Variants in KSR2 observed in about 807,000 individuals in gnomAD.
KSR2 encodes kinase suppressor of ras 2.
KSR2 carries 25 observed loss-of-function variants against 107.8 expected under a neutral mutation model. The observed-to-expected ratio is 0.23, with a 90% CI of 0.17 to 0.32. The LOEUF is 0.32. Ranked by LOEUF, KSR2 falls within the 10% of genes least tolerant of loss-of-function variation. The probability of loss-of-function intolerance (pLI) is 1.00; values close to 1 mark genes in which losing one functional copy is unlikely to be tolerated. For missense variants in KSR2, 887 were observed against 1,268.9 expected, an observed-to-expected ratio of 0.70 and a Z score of 4.57; for synonymous variants, 480 against 507.0, an observed-to-expected ratio of 0.95 and a Z score of 0.71.
At chr12:117,641,787 A>C (rs1421576752) in intron 5 of KSR2, among the ~76,000 whole-genome samples, 5 of 152,130 alleles carry the variant, frequency 3.3e-5, no homozygotes, top group Admixed American at 1.3e-4. Context: ...AGAAGAATAG[A>C]AACAGCACGG....
At chr12:117,609,837 C>T (rs1881496133) in intron 5 of KSR2, among the ~76,000 whole-genome samples, 1 of 152,174 alleles carries the variant, frequency 6.6e-6, no homozygotes, top group Admixed American at 6.5e-5. Flanking sequence ...ATTCTCTCCC[C>T]AGCTATGACA....
chr12:117,566,369 C>G (rs1878496024), intron 7 of KSR2, among the ~76,000 whole-genome samples: 1 of 152,248 alleles, frequency 6.6e-6, no homozygotes, highest in South Asian at 2.1e-4. Context: ...ATCTGCCTAC[C>G]TTGGCCTCCC....
At chr12:117,914,494 A>G (rs919623369) in intron 1 of KSR2, among the ~76,000 whole-genome samples, 2 of 152,088 alleles carry the variant, frequency 1.3e-5, no homozygotes, top group African/African-American at 4.8e-5. Flanking sequence ...TCTTCAGCAT[A>G]GCACTTAGTG....
chr12:117,675,600 A>G (rs1885083553), intron 4 of KSR2, among the ~76,000 whole-genome samples: 1 of 152,138 alleles, frequency 6.6e-6, no homozygotes, highest in African/African-American at 2.4e-5. Flanking sequence ...TCGTCAAGGG[A>G]AGCCCCAAAC....
Position 117,785,183 on chromosome 12 carries a change from G to A in KSR2, c.473-23659C>T, listed in dbSNP as rs1035777744. On this transcript the variant is annotated intron_variant, in intron 3 of 19. Coordinates refer to ENST00000339824, the MANE Select transcript of KSR2 (RefSeq NM_173598.6). Reference sequence around the variant, plus strand: ...TAATCCCAGCCCTTTGGGAGGCCAAGGCAGGTGGATCACCTGAGGTCAGGA... The same window carrying A: ...TAATCCCAGCCCTTTGGGAGGCCAAAGCAGGTGGATCACCTGAGGTCAGGA... Among the ~76,000 whole-genome samples the A allele has an allele frequency of 3.9e-5, 6 of 152,108 alleles. 1 individual carries two copies. Among genetic ancestry groups the A allele is most frequent in the Non-Finnish European group, 8.8e-5 (6 of 68,006 alleles).
At chr12:117,901,232 T>C (rs1015361324) in intron 1 of KSR2, among the ~76,000 whole-genome samples, 3 of 151,782 alleles carry the variant, frequency 2.0e-5, no homozygotes, top group Admixed American at 6.6e-5. Context: ...ACAATAAACA[T>C]ATGATACAAT....
chr12:117,614,514 G>A (rs1881769533), intron 5 of KSR2, among the ~76,000 whole-genome samples: 1 of 152,138 alleles, frequency 6.6e-6, no homozygotes, highest in Admixed American at 6.5e-5. Context: ...GGGCTGTTCA[G>A]AACTCCAGTT....
chr12:117,539,783 C>G lies in KSR2; in HGVS notation c.1623G>C (p.Thr541=). Residue 541 remains threonine (T), a synonymous_variant, in exon 10 of 20, where the codon ACG becomes ACC. Coordinates refer to ENST00000339824, the MANE Select transcript of KSR2 (RefSeq NM_173598.6). ...GGGAAGGGTGTAGGGGAGAAGGCGGCGTGGCACTAGGAGGGAGGGGGGGTG... is the reference window on the plus strand; with the variant it reads ...GGGAAGGGTGTAGGGGAGAAGGCGGGGTGGCACTAGGAGGGAGGGGGGGTG... The part of the protein sequence containing the change: ...SPAPPLPPSA[T]PPSPLHPSPQ... 1.2e-6 allele frequency: 2 copies of G among 1,606,580 alleles called. No individual in the cohort carries two copies. Among genetic ancestry groups the G allele is most frequent in the Non-Finnish European group, 1.7e-6 (2 of 1,177,606 alleles).
At chr12:117,564,217 G>A (rs1878311877) in intron 7 of KSR2, among the ~76,000 whole-genome samples, 2 of 152,204 alleles carry the variant, frequency 1.3e-5, no homozygotes. Context: ...GGGCCAGGAG[G>A]AGCCCCATGT....
At chr12:117,505,961 A>G (rs763984282) in intron 14 of KSR2, among the ~76,000 whole-genome samples, 7 of 152,154 alleles carry the variant, frequency 4.6e-5, no homozygotes, top group African/African-American at 7.2e-5. Flanking sequence ...TTCCCTGTAT[A>G]ATGATTCCTG....
chr12:117,616,131 A>G (rs1377815802), intron 5 of KSR2, among the ~76,000 whole-genome samples: 2 of 148,132 alleles, frequency 1.4e-5, no homozygotes, highest in African/African-American at 5.0e-5. Flanking sequence ...ACTGCACTTT[A>G]GCCTGGGTGA....
chr12:117,485,843 C>G (rs868259889), intron 14 of KSR2, among the ~76,000 whole-genome samples, 152 bp from the exon 15 acceptor site: 2 of 152,214 alleles, frequency 1.3e-5, no homozygotes, highest in South Asian at 2.1e-4. Flanking sequence ...GACTTCAGAT[C>G]TGGTTCTGGG....
At chr12:117,832,873 G>A (rs557740143) in intron 3 of KSR2, among the ~76,000 whole-genome samples, 10 of 152,210 alleles carry the variant, frequency 6.6e-5, no homozygotes, top group East Asian at 1.9e-4. Flanking sequence ...ATGGGTTTAC[G>A]TCCCTTGAAA....
chr12:117,575,723 A>C (rs1289639461), intron 7 of KSR2, among the ~76,000 whole-genome samples: 1 of 152,140 alleles, frequency 6.6e-6, no homozygotes, highest in South Asian at 2.1e-4. Flanking sequence ...TCAGATCTTC[A>C]TGTTTTGAAT....
chr12:117,901,669 G>GT (rs1268659535), intron 1 of KSR2, among the ~76,000 whole-genome samples: 1 of 152,062 alleles, frequency 6.6e-6, no homozygotes, highest in Non-Finnish European at 1.5e-5. Flanking sequence ...AAAGTATTCA[G>GT]TTTTTTTAAA....
intron 14 of KSR2, among the ~76,000 whole-genome samples, chr12:117,505,248 C>T (rs1283483376): frequency 6.6e-6 from 1 of 152,154 alleles, no homozygotes; most frequent in Non-Finnish European, 1.5e-5. Flanking sequence ...AGTCCCCTCA[C>T]CAACGTGGAA....
At chr12:117,761,843 T>C (rs1254401132) in intron 3 of KSR2, among the ~76,000 whole-genome samples, 1 of 152,228 alleles carries the variant, frequency 6.6e-6, no homozygotes, top group Non-Finnish European at 1.5e-5. Flanking sequence ...GCATGTTATA[T>C]GCACATATCA....
At chr12:117,927,399 G>T (rs1895557544) in intron 1 of KSR2, among the ~76,000 whole-genome samples, 1 of 147,560 alleles carries the variant, frequency 6.8e-6, no homozygotes, top group African/African-American at 2.5e-5. Flanking sequence ...AAAAAAAAAA[G>T]GACCAGGCCT....
chr12:117,849,739 A>T (rs1892847818), intron 3 of KSR2, among the ~76,000 whole-genome samples: 2 of 152,236 alleles, frequency 1.3e-5, no homozygotes, highest in Non-Finnish European at 2.9e-5. Context: ...AGAGACAGAG[A>T]CAGACAGGGA....
Sources: gnomAD v4.1 joint callset for allele counts (sites outside exome capture counted in the v4.1 genomes callset) on GRCh38, gnomAD v4.1.1 for gene constraint, MANE v1.5 for transcripts, NCBI Gene and HGNC (gene_info 2026-07-23, HGNC 2026-07-21) for gene names.